ILDR2: variants seen among roughly 807,000 people sequenced by gnomAD.
The protein encoded by ILDR2 is immunoglobulin like domain containing receptor 2, also known as immunoglobulin-like domain-containing receptor 2.
ILDR2 carries 25 observed loss-of-function variants against 66.8 expected under a neutral mutation model. That is an observed-to-expected ratio of 0.37 (90% confidence interval 0.27 to 0.52). The LOEUF is 0.52. Ranked by LOEUF, ILDR2 falls within the 20% of genes least tolerant of loss-of-function variation. The probability of loss-of-function intolerance (pLI) is 0.88; values close to 1 mark genes in which losing one functional copy is unlikely to be tolerated. For missense variants in ILDR2, 827 were observed against 876.8 expected (o/e 0.94, Z 0.72); for synonymous variants, 367 against 357.2 (o/e 1.03, Z -0.31).
intron 6 of ILDR2, among the ~76,000 whole-genome samples, chr1:166,928,326 T>G (rs1443552370): frequency 1.3e-5 from 2 of 152,216 alleles, no homozygotes; most frequent in Admixed American, 6.5e-5. Flanking sequence ...CCATGTAGTC[T>G]GATGGAAGCT....
At chr1:166,930,700 C>T (rs1196247207) in intron 6 of ILDR2, among the ~76,000 whole-genome samples, 1 of 152,170 alleles carries the variant, frequency 6.6e-6, no homozygotes, top group Non-Finnish European at 1.5e-5. Flanking sequence ...ATGGATCAAT[C>T]TTATACTGCC....
chr1:166,903,667 G>C (rs557179526), downstream of ILDR2, among the ~76,000 whole-genome samples: 21 of 152,206 alleles, frequency 1.4e-4, no homozygotes, highest in Non-Finnish European at 2.8e-4. Context: ...CAGCCTAAAT[G>C]ATCTAGGTGA....
chr1:166,960,188 T>C (rs1662528429), intron 1 of ILDR2, among the ~76,000 whole-genome samples: 1 of 152,234 alleles, frequency 6.6e-6, no homozygotes, highest in Admixed American at 6.5e-5. Flanking sequence ...GGTTTCTGCA[T>C]TCTGTAACAT....
chr1:166,952,694 A>C (rs116081739), intron 3 of ILDR2, among the ~76,000 whole-genome samples: 235 of 152,320 alleles, frequency 1.5e-3, no homozygotes, highest in Middle Eastern at 3.4e-3. Flanking sequence ...AGTTTGACTA[A>C]GAAATAAAGT....
At chr1:166,931,714 A>G (rs1164259254) in intron 6 of ILDR2, among the ~76,000 whole-genome samples, 1 of 152,198 alleles carries the variant, frequency 6.6e-6, no homozygotes, top group Non-Finnish European at 1.5e-5. Flanking sequence ...ATTTTGAGTT[A>G]CAATCTAAAG....
downstream of ILDR2, among the ~76,000 whole-genome samples, chr1:166,906,744 T>C (rs1384997693): frequency 6.6e-6 from 1 of 152,180 alleles, no homozygotes; most frequent in East Asian, 1.9e-4. Context: ...GAACCACTTG[T>C]TATTTGAGTT....
rs1054879906 is a variant in ILDR2 at position 166,921,844 on chromosome 1, G to A, written c.1212-465C>T. On this transcript the variant is annotated intron_variant, in intron 8 of 9. Transcript: ENST00000271417. The surrounding 1 kb of genome is among the most constrained non-coding windows in gnomAD (Gnocchi z 5.3). Reference sequence around the variant, plus strand: ...AGTTACCTACTGGGGCAGGAGGGGAGAAGGACACTTGCAATTTGTAAGGGA... The same window carrying A: ...AGTTACCTACTGGGGCAGGAGGGGAAAAGGACACTTGCAATTTGTAAGGGA... 6.6e-6 allele frequency among the ~76,000 whole-genome samples: 1 copy of A among 152,154 alleles called. No homozygotes were observed. The highest frequency in any genetic ancestry group is 1.5e-5 in the Non-Finnish European group (1 of 68,022).
chr1:166,951,779 G>A (rs570647227), intron 3 of ILDR2, among the ~76,000 whole-genome samples: 9 of 152,182 alleles, frequency 5.9e-5, no homozygotes, highest in African/African-American at 2.2e-4. Context: ...TAATATCCCC[G>A]ACAAGAGAAC....
intron 1 of ILDR2, among the ~76,000 whole-genome samples, chr1:166,959,322 T>C (rs1314623826): frequency 1.3e-5 from 2 of 152,180 alleles, no homozygotes. Context: ...CCTGTCAGAC[T>C]CGTCAGGTGT....
chr1:166,944,377 T>C (rs1661494934), intron 3 of ILDR2, among the ~76,000 whole-genome samples: 2 of 152,202 alleles, frequency 1.3e-5, no homozygotes, highest in African/African-American at 4.8e-5. Context: ...CTTGAGACAC[T>C]TGAGAGGCTC....
rs1662480039 is a variant in ILDR2 at position 166,959,439 on chromosome 1, T to C, written c.47-1338A>G. Among the ~76,000 whole-genome samples the C allele has an allele frequency of 3.9e-5, 6 of 152,146 alleles. No individual in the cohort carries two copies. In the South Asian group the frequency reaches 1.2e-3, roughly 32 times the overall value. ...CAGGAAGTATCACTTCAGGAGGAAG[T>C]GACTTCCCTTCCAGTGGTGACCCAG... On this transcript the variant is annotated intron_variant, in intron 1 of 9. Coordinates refer to ENST00000271417, the MANE Select transcript of ILDR2 (RefSeq NM_199351.3).
intron 4 of ILDR2, among the ~76,000 whole-genome samples, chr1:166,937,397 G>T (rs1297059085): frequency 6.6e-6 from 1 of 152,194 alleles, no homozygotes; most frequent in Non-Finnish European, 1.5e-5. Context: ...TAGAGACGTG[G>T]TCTCCATAGA....
rs1659571239 is a variant in ILDR2, at chr1:166,914,542, G to C, written c.*4813C>G. ...ACAGCAGTTGATGTTGGGATCAAATGAAAGTGTTCTGTAAACAGTAATATA... is the reference window on the plus strand; with the variant it reads ...ACAGCAGTTGATGTTGGGATCAAATCAAAGTGTTCTGTAAACAGTAATATA... On this transcript the variant is annotated 3_prime_UTR_variant, in exon 10 of 10. Transcript: ENST00000271417. The C allele has an allele frequency of 6.6e-6, 1 of 152,208 alleles. No homozygotes were observed. Among genetic ancestry groups the C allele is most frequent in the Non-Finnish European group, 1.5e-5 (1 of 68,030 alleles). The allele number at this position is 152,208 out of a possible 1,614,324, so 9.4% of individuals were successfully genotyped here.
rs1170805184 is a variant in ILDR2, at chr1:166,921,103, G to C, written c.1488C>G (p.Ala496=). Residue 496 remains alanine, a synonymous_variant, in exon 9 of 10, where the codon GCC becomes GCG. Transcript: ENST00000271417. The surrounding 1 kb of genome is among the most constrained non-coding windows in gnomAD (Gnocchi z 5.3). ...CGGGTCTGCGGCGCGCGGGGCTGAA[G>C]GCCCAGCCGCGGTCAGCATCGGTCA... ...EPLTDADRGW[A]FSPARRRPAE... The C allele has an allele frequency of 2.6e-5, 39 of 1,509,220 alleles. No individual in the cohort carries two copies. The highest frequency in any genetic ancestry group is 3.4e-5 in the Non-Finnish European group (39 of 1,136,574). 93.5% of individuals were successfully genotyped at this position (1,509,220 alleles called of 1,614,324 possible).
intron 3 of ILDR2, chr1:166,943,635 T>C (rs1208243133): frequency 1.2e-5 from 2 of 168,888 alleles, no homozygotes; most frequent in African/African-American, 4.8e-5. Context: ...TTCCAGCTTC[T>C]TCCCTAACAA....
downstream of ILDR2, among the ~76,000 whole-genome samples, chr1:166,904,137 C>T (rs1659304026): frequency 6.6e-6 from 1 of 152,110 alleles, no homozygotes; most frequent in Non-Finnish European, 1.5e-5. Flanking sequence ...AATTAGTGCC[C>T]AACAAATACT....
intron 1 of ILDR2, among the ~76,000 whole-genome samples, chr1:166,974,921 A>C (rs1663504275): frequency 6.6e-6 from 1 of 152,142 alleles, no homozygotes; most frequent in African/African-American, 2.4e-5. Context: ...ATGGAGGGGA[A>C]ATGCATTCGA....
chr1:166,965,739 A>ATT (rs77159878), intron 1 of ILDR2, among the ~76,000 whole-genome samples: 55,235 of 144,752 alleles, frequency 0.38, 10,695 homozygotes, highest in East Asian at 0.54. Context: ...TGCCCAGCTA[A>ATT]TTTTTTTTTT....
intron 1 of ILDR2, among the ~76,000 whole-genome samples, chr1:166,970,033 G>A (rs764620900): frequency 4.6e-5 from 7 of 152,258 alleles, no homozygotes; most frequent in Admixed American, 6.5e-5. Context: ...GAAAAACATC[G>A]GGAGAAAGAA....
Sources: gnomAD v4.1 joint callset for allele counts (sites outside exome capture counted in the v4.1 genomes callset) on GRCh38, gnomAD v4.1.1 for gene constraint, Gnocchi (gnomAD v3.1) non-coding constraint, MANE v1.5 for transcripts, NCBI Gene and HGNC (gene_info 2026-07-23, HGNC 2026-07-21) for gene names.